The following ANKS1B variants were observed in gnomAD, a reference collection of about 807,000 sequenced individuals.
The protein encoded by ANKS1B is ankyrin repeat and sterile alpha motif domain containing 1B.
In ANKS1B, 36 loss-of-function variants were observed where a neutral mutation model predicts 148.3. The observed-to-expected ratio is 0.24, with a 90% CI of 0.19 to 0.32. The LOEUF is 0.32. Ranked by LOEUF, ANKS1B falls within the 10% of genes least tolerant of loss-of-function variation. ANKS1B has a pLI of 1.00. For synonymous variants in ANKS1B, 542 were observed against 560.8 expected, an observed-to-expected ratio of 0.97 and a Z score of 0.47; for missense variants, 1,157 against 1,542.6, an observed-to-expected ratio of 0.75 and a Z score of 4.19.
intron 17 of ANKS1B, among the ~76,000 whole-genome samples, chr12:98,952,793 C>G (rs930677553): frequency 1.3e-5 from 2 of 152,196 alleles, no homozygotes; most frequent in African/African-American, 2.4e-5. Context: ...TTACTCCTTT[C>G]TCAATCTACA....
intron 12 of ANKS1B, among the ~76,000 whole-genome samples, chr12:99,326,035 G>C (rs1602964353): frequency 6.6e-6 from 1 of 152,012 alleles, no homozygotes; most frequent in East Asian, 1.9e-4. Flanking sequence ...AGTGTGAAAA[G>C]AGTCCATTAT....
At chr12:99,122,807 T>C (rs2063222703) in intron 15 of ANKS1B, among the ~76,000 whole-genome samples, 1 of 152,026 alleles carries the variant, frequency 6.6e-6, no homozygotes. Context: ...CTCAATTATT[T>C]AAAGCATGGT....
chr12:99,141,572 C>T (rs116939269), intron 15 of ANKS1B, among the ~76,000 whole-genome samples: 5,896 of 151,728 alleles, frequency 0.039, 382 homozygotes, highest in East Asian at 0.2. Context: ...CTGATGCTCT[C>T]CCTCCCCCAA....
chr12:98,849,192 AT>A lies in ANKS1B; in HGVS notation c.2779-17057del, dbSNP rs567499110. ...AATGCCTCAAATGTTGAAATCTCAT[AT>A]TTTAATTCTTTGAGATGAAGTGTTT... On this transcript the variant is annotated intron_variant, in intron 17 of 26. Coordinates refer to ENST00000683438, the MANE Select transcript of ANKS1B (RefSeq NM_001352186.2). Among the ~76,000 whole-genome samples the A allele has an allele frequency of 5.3e-4, 80 of 151,980 alleles. No individual in the cohort carries two copies. The East Asian group carries it at 0.014, about 26-fold the overall frequency.
chr12:98,899,731 T>C (rs2099769577), intron 17 of ANKS1B, among the ~76,000 whole-genome samples: 1 of 152,230 alleles, frequency 6.6e-6, no homozygotes, highest in Admixed American at 6.5e-5. Context: ...TCTGCTTCTC[T>C]GACTGAACCC....
intron 24 of ANKS1B, 120 bp downstream of exon 24, chr12:98,780,997 G>A: frequency 1.6e-6 from 1 of 632,158 alleles, no homozygotes; most frequent in Admixed American, 2.8e-5. Flanking sequence ...GAAGCATGAA[G>A]GTTGGGGGAA....
chr12:99,385,947 G>T (rs1331247318), intron 12 of ANKS1B, among the ~76,000 whole-genome samples: 1 of 152,184 alleles, frequency 6.6e-6, no homozygotes, highest in East Asian at 1.9e-4. Context: ...GAACCGAGAG[G>T]TTTGTTTAGT....
chr12:99,352,827 G>A (rs970220190), intron 12 of ANKS1B, among the ~76,000 whole-genome samples: 4 of 151,914 alleles, frequency 2.6e-5, no homozygotes, highest in African/African-American at 4.8e-5. Flanking sequence ...TAATGCACAT[G>A]AAAACTATTT....
intron 25 of ANKS1B, among the ~76,000 whole-genome samples, chr12:98,768,532 G>A (rs963065803): frequency 5.3e-5 from 8 of 151,110 alleles, no homozygotes; most frequent in Middle Eastern, 3.4e-3. Flanking sequence ...CGGGAGATCG[G>A]GACCATCTTG....
At chr12:99,341,799 T>C (rs918615989) in intron 12 of ANKS1B, among the ~76,000 whole-genome samples, 4 of 152,086 alleles carry the variant, frequency 2.6e-5, no homozygotes, top group African/African-American at 7.2e-5. Flanking sequence ...AGAAAGATTA[T>C]GTTATTTGGT....
chr12:99,408,630 G>A (rs1189739608), intron 11 of ANKS1B, among the ~76,000 whole-genome samples: 1 of 145,462 alleles, frequency 6.9e-6, no homozygotes, highest in South Asian at 2.1e-4. Context: ...GAATATGTAA[G>A]GAGATCAAAA....
intron 12 of ANKS1B, among the ~76,000 whole-genome samples, chr12:99,366,494 T>C (rs2092776312): frequency 6.6e-6 from 1 of 152,040 alleles, no homozygotes. Flanking sequence ...TATTGGCCCA[T>C]GAATAGACAG....
chr12:99,430,881 G>T (rs116432798), intron 11 of ANKS1B, among the ~76,000 whole-genome samples: 37 of 152,272 alleles, frequency 2.4e-4, no homozygotes, highest in African/African-American at 8.4e-4. Flanking sequence ...TTCTCATGAT[G>T]ATAATAAAAA....
intron 14 of ANKS1B, among the ~76,000 whole-genome samples, chr12:99,183,392 C>G (rs1386171303): frequency 1.3e-5 from 2 of 152,156 alleles, no homozygotes; most frequent in Non-Finnish European, 2.9e-5. Flanking sequence ...GCCCGTAATC[C>G]CAGCACTTTG....
chr12:99,759,388 C>G (rs375574113), intron 8 of ANKS1B, among the ~76,000 whole-genome samples: 3 of 152,066 alleles, frequency 2.0e-5, no homozygotes, highest in East Asian at 1.9e-4. Flanking sequence ...CTGTTAGAGG[C>G]TGAATGAATT....
rs989241896 is a variant in ANKS1B at position 98,880,458 on chromosome 12, C to A, written c.2779-48322G>T. Among the ~76,000 whole-genome samples, 3 of 152,036 alleles carry A rather than the reference C, an allele frequency of 2.0e-5. No individual in the cohort carries two copies. The East Asian group carries it at 5.8e-4, about 29-fold the overall frequency. On this transcript the variant is annotated intron_variant, in intron 17 of 26. Transcript: ENST00000683438. ...ACTTAACTGGAATGCATAAGTATAC[C>A]CAGCTTTACAAGATGGGTAGGTTTC...
intron 12 of ANKS1B, among the ~76,000 whole-genome samples, chr12:99,376,451 T>C (rs2093395890): frequency 6.6e-6 from 1 of 152,210 alleles, no homozygotes; most frequent in Admixed American, 6.5e-5. Flanking sequence ...GCTTTCATTT[T>C]CAGGTTTGTG....
rs151208822 is a variant in ANKS1B at position 99,845,270 on chromosome 12, G to T, written c.135-19881C>A. Among the ~76,000 whole-genome samples the T allele has an allele frequency of 7.9e-3, 1,198 of 152,216 alleles. 15 individuals carry two copies. Among genetic ancestry groups the T allele is most frequent in the African/African-American group, 0.027 (1,133 of 41,550 alleles). ...GGCCAGAACTTCCAATACTTGAATA[G>T]GAGTGGTGAGAGAGAGCATCTTTGT... is the stretch of plus-strand genomic sequence containing the variant. On this transcript the variant is annotated intron_variant, in intron 1 of 26. Transcript: ENST00000683438.
At chr12:99,876,042 A>C (rs747261181) in intron 1 of ANKS1B, among the ~76,000 whole-genome samples, 4 of 152,196 alleles carry the variant, frequency 2.6e-5, no homozygotes, top group Admixed American at 6.5e-5. Flanking sequence ...AATCCAAGAC[A>C]GCAATATGTA....
Sources: allele counts gnomAD v4.1 joint callset (sites outside exome capture counted in the v4.1 genomes callset), GRCh38; gene constraint gnomAD v4.1.1; transcripts MANE v1.5; gene names NCBI Gene and HGNC (gene_info 2026-07-23, HGNC 2026-07-21).